Variants in RNF8 observed in about 807,000 individuals in gnomAD.
The protein encoded by RNF8 is ring finger protein 8.
RNF8 carries 8 observed loss-of-function variants against 59.3 expected under a neutral mutation model. The ratio of observed to expected loss-of-function variants is 0.13; its 90% confidence interval spans 0.08 to 0.24. The LOEUF is 0.24. Among genes scored for constraint, RNF8 ranks in the 10% least tolerant of loss-of-function variants. The pLI is 1.00. For synonymous variants in RNF8, 162 were observed against 200.0 expected (o/e 0.81, Z 1.60); for missense variants, 406 against 572.6 (o/e 0.71, Z 2.97).
intron 7 of RNF8, among the ~76,000 whole-genome samples, chr6:37,383,200 T>C (rs1770352476): frequency 6.6e-6 from 1 of 152,242 alleles, no homozygotes; most frequent in African/African-American, 2.4e-5. Context: ...GGCACCCATC[T>C]TGGTTTCTGT....
At chr6:37,372,648 C>T (rs986432317) in intron 4 of RNF8, among the ~76,000 whole-genome samples, 32 of 152,186 alleles carry the variant, frequency 2.1e-4, no homozygotes, top group Admixed American at 3.9e-4. Flanking sequence ...GCATGGGATA[C>T]TTGGCCATGC....
At chr6:37,369,251 T>C in intron 3 of RNF8, 33 bp downstream of exon 3, 2 of 1,555,754 alleles carry the variant, frequency 1.3e-6, no homozygotes, top group East Asian at 4.6e-5. Flanking sequence ...AAGAGTGGTC[T>C]TCAGGGGTGG....
At chr6:37,381,090 A>G in intron 6 of RNF8, 60 bp from the exon 7 acceptor site, 16 of 1,448,738 alleles carry the variant, frequency 1.1e-5, no homozygotes, top group Non-Finnish European at 1.6e-5. Context: ...TTGAGATCAC[A>G]AGCATCCTGA....
At chr6:37,388,255 A>G (rs927397288) in intron 7 of RNF8, among the ~76,000 whole-genome samples, 1 of 152,208 alleles carries the variant, frequency 6.6e-6, no homozygotes, top group Non-Finnish European at 1.5e-5. Flanking sequence ...GGGGACTGCA[A>G]GGGAGCTCAG....
chr6:37,389,266 C>G (rs1461807726), intron 7 of RNF8, among the ~76,000 whole-genome samples: 2 of 150,694 alleles, frequency 1.3e-5, no homozygotes, highest in Admixed American at 1.3e-4. Context: ...TGAAAAATTG[C>G]CCATTGAGTA....
At chr6:37,390,126 T>C (rs974415053) in intron 7 of RNF8, among the ~76,000 whole-genome samples, 1 of 152,248 alleles carries the variant, frequency 6.6e-6, no homozygotes, top group African/African-American at 2.4e-5. Flanking sequence ...TGCCTATTCC[T>C]GTATATAATT....
chr6:37,390,106 C>T lies in RNF8; in HGVS notation c.1442-636C>T, dbSNP rs957727149. On this transcript the variant is annotated intron_variant, in intron 7 of 7. Coordinates refer to ENST00000373479, the MANE Select transcript of RNF8 (RefSeq NM_003958.4). ...CCTCTCTGAACACAGGAAGAATTCCCGCCTCTCCCTGCCTATTCCTGTATA... is the reference window on the plus strand; with the variant it reads ...CCTCTCTGAACACAGGAAGAATTCCTGCCTCTCCCTGCCTATTCCTGTATA... Among the ~76,000 whole-genome samples the T allele has an allele frequency of 7.9e-5, 12 of 152,340 alleles. No homozygotes were observed. The East Asian group carries it at 1.5e-3, about 20-fold the overall frequency.
chr6:37,384,684 GC>G (rs1770419948), intron 7 of RNF8, among the ~76,000 whole-genome samples: 3 of 152,224 alleles, frequency 2.0e-5, no homozygotes, highest in Non-Finnish European at 4.4e-5. Flanking sequence ...AACTGGCAAA[GC>G]CCAGGCTCTG....
intron 7 of RNF8, among the ~76,000 whole-genome samples, chr6:37,383,637 G>A (rs1191919845): frequency 6.6e-6 from 1 of 152,322 alleles, no homozygotes; most frequent in African/African-American, 2.4e-5. Flanking sequence ...TCATATGTTA[G>A]TGGGAGGAGT....
rs187722490 is a variant in RNF8 at position 37,382,621 on chromosome 6, G to A, written c.1441+1267G>A. Among the ~76,000 whole-genome samples the A allele has an allele frequency of 7.5e-3, 1,140 of 152,142 alleles. 9 individuals are homozygous for A. Among genetic ancestry groups the A allele is most frequent in the Non-Finnish European group, 8.2e-3 (555 of 67,994 alleles). ...CTAGGGACACCCATGGGCTTTCTTC[G>A]CCCAGTCTACCACCTAAGTTCCTTC... On this transcript the variant is annotated intron_variant, in intron 7 of 7. Transcript: ENST00000373479.
chr6:37,392,241 A>G lies in RNF8; in HGVS notation c.*1483A>G, dbSNP rs573410424. 3 of 389,766 alleles carry G rather than the reference A, an allele frequency of 7.7e-6. No individual in the cohort carries two copies. The East Asian group carries it at 1.1e-4, about 14-fold the overall frequency. The allele number at this position is 389,766 out of a possible 1,614,324, so 24.1% of individuals were successfully genotyped here. ...AGATTGTTACCACCTTGATTTAATAACTTCTTGTTTCCCCATACATGTGTT... is the reference window on the plus strand; with the variant it reads ...AGATTGTTACCACCTTGATTTAATAGCTTCTTGTTTCCCCATACATGTGTT... On this transcript the variant is annotated 3_prime_UTR_variant, in exon 8 of 8. Coordinates refer to ENST00000373479, the MANE Select transcript of RNF8 (RefSeq NM_003958.4).
At chr6:37,367,857 A>G (rs956158630) in intron 2 of RNF8, among the ~76,000 whole-genome samples, 2 of 152,172 alleles carry the variant, frequency 1.3e-5, no homozygotes, top group Non-Finnish European at 2.9e-5. Flanking sequence ...GGTTAAGTAA[A>G]TTGCCAAATG....
chr6:37,386,560 A>G (rs1392560306), intron 7 of RNF8, among the ~76,000 whole-genome samples: 1 of 152,236 alleles, frequency 6.6e-6, no homozygotes, highest in African/African-American at 2.4e-5. Flanking sequence ...TGAGAGATCC[A>G]GGGCTGACTT....
intron 7 of RNF8, among the ~76,000 whole-genome samples, chr6:37,387,578 A>G (rs2113835567): frequency 6.6e-6 from 1 of 152,214 alleles, no homozygotes. Context: ...CTGGGCTCAT[A>G]GGATCAGCCC....
In RNF8 at chr6:37,384,131, A is replaced by ATTT. The variant is rs70977654; in HGVS notation, c.1441+2794_1441+2796dup. On this transcript the variant is annotated intron_variant, in intron 7 of 7. Coordinates refer to ENST00000373479, the MANE Select transcript of RNF8 (RefSeq NM_003958.4). ...TACATTCCTTAGCTCCCTTGCTACT[A>ATTT]TTTTTTTTTTTTTTTTTTTGAGATG... Among the ~76,000 whole-genome samples, 137 of 124,016 alleles carry ATTT rather than the reference A, an allele frequency of 1.1e-3. 2 individuals carry two copies. The highest frequency in any genetic ancestry group is 3.1e-3 in the African/African-American group (102 of 32,962). The allele number at this position is 124,016 out of a possible 152,430, so 81.4% of individuals were successfully genotyped here. A position where few individuals can be genotyped will look rare whatever the true frequency, so the allele number is the denominator to read the frequency against.
At chr6:37,371,299 G>A (rs12663191) in intron 3 of RNF8, among the ~76,000 whole-genome samples, 4 of 152,132 alleles carry the variant, frequency 2.6e-5, no homozygotes, top group African/African-American at 9.7e-5. Context: ...GCTTAAAGCC[G>A]ACAGTCCTGA....
chr6:37,385,708 CATT>C (rs1324554055), intron 7 of RNF8, among the ~76,000 whole-genome samples: 7 of 152,082 alleles, frequency 4.6e-5, no homozygotes, highest in African/African-American at 7.2e-5. Flanking sequence ...GGGATAGTAA[CATT>C]ATTGTTACTA....
intron 2 of RNF8, among the ~76,000 whole-genome samples, chr6:37,365,144 CT>C (rs1232218417): frequency 2.6e-5 from 4 of 152,204 alleles, no homozygotes; most frequent in Non-Finnish European, 4.4e-5. Context: ...TGCTCCACCC[CT>C]ACTACCTTCA....
chr6:37,364,279 A>T (rs548441980), intron 2 of RNF8, among the ~76,000 whole-genome samples: 7 of 148,210 alleles, frequency 4.7e-5, no homozygotes, highest in African/African-American at 1.1e-4. Flanking sequence ...GGCAAAATTT[A>T]CATGTGCTGT....
Sources: gnomAD v4.1 joint callset for allele counts (sites outside exome capture counted in the v4.1 genomes callset) on GRCh38, gnomAD v4.1.1 for gene constraint, MANE v1.5 for transcripts, NCBI Gene and HGNC (gene_info 2026-07-23, HGNC 2026-07-21) for gene names.